The following DHODH variants were observed in gnomAD, a reference collection of about 807,000 sequenced individuals.
The protein encoded by DHODH is dihydroorotate dehydrogenase (quinone), mitochondrial.
A neutral mutation model predicts 39.7 loss-of-function variants in DHODH; 30 were observed. That is an observed-to-expected ratio of 0.76 (90% CI 0.57 to 1.02). The LOEUF is 1.02. DHODH is among the 50% of genes least tolerant of loss of function. The pLI, the probability that DHODH is intolerant of heterozygous loss-of-function variation, is 0.00. For synonymous variants in DHODH, 222 were observed against 213.8 expected, an observed-to-expected ratio of 1.04 and a Z score of -0.34; for missense variants, 531 against 520.8, an observed-to-expected ratio of 1.02 and a Z score of -0.19.
intron 3 of DHODH, 115 bp from the exon 4 acceptor site, chr16:72,016,909 G>A (rs1401505083): frequency 1.1e-6 from 1 of 902,252 alleles, no homozygotes; most frequent in Non-Finnish European, 1.8e-6. Flanking sequence ...GACCCTGGAA[G>A]TGTAAGAACT....
chr16:72,019,963 G>A (rs1455389006), intron 4 of DHODH, among the ~76,000 whole-genome samples: 1 of 152,108 alleles, frequency 6.6e-6, no homozygotes, highest in African/African-American at 2.4e-5. Flanking sequence ...CCAACATGGT[G>A]AAACCCCTTC....
chr16:72,009,480 G>A (rs1201192319), intron 1 of DHODH, among the ~76,000 whole-genome samples: 2 of 118,800 alleles, frequency 1.7e-5, no homozygotes, highest in Non-Finnish European at 3.3e-5. Flanking sequence ...TCCGCAGTCC[G>A]GCCTGGGCGA....
Position 72,021,277 on chromosome 16 carries a change from A to G in DHODH, c.671A>G (p.Gln224Arg). 1.9e-6 allele frequency: 3 copies of G among 1,612,060 alleles called. No individual in the cohort carries two copies. In the South Asian group the frequency reaches 3.3e-5, roughly 18 times the overall value. ...SPNTAGLRSL[Q>R]GKAELRRLLT... Reference sequence around the variant, plus strand: ...AACACTGCCGGGCTGCGGAGCCTTCAGGGAAAGGCCGAGCTGCGCCGCCTG... The same window carrying G: ...AACACTGCCGGGCTGCGGAGCCTTCGGGGAAAGGCCGAGCTGCGCCGCCTG... The change falls in exon 5 of 9, where the codon CAG (glutamine) becomes CGG (arginine). Residue 224 changes from glutamine to arginine, a missense_variant. Physicochemically the swap from Gln to Arg is conservative, Grantham distance 43 (BLOSUM62 1). Coordinates refer to ENST00000219240, the MANE Select transcript of DHODH (RefSeq NM_001361.5).
Position 72,024,571 on chromosome 16 carries a change from C to CCTG in DHODH, c.*372_*373insCTG. 3.7e-6 allele frequency: 1 copy of CCTG among 273,716 alleles called. No homozygotes were observed. The highest frequency in any genetic ancestry group is 5.2e-5 in the South Asian group (1 of 19,358). 17.0% of individuals were successfully genotyped at this position (273,716 alleles called of 1,614,324 possible). On this transcript the variant is annotated 3_prime_UTR_variant, in exon 9 of 9. Coordinates refer to ENST00000219240, the MANE Select transcript of DHODH (RefSeq NM_001361.5). ...CAAGATACTGCAGGTCCATCCAGGC[C>CCTG]TCTGCTATCTGCATCTGCAGTGGGC...
intron 2 of DHODH, among the ~76,000 whole-genome samples, chr16:72,013,181 A>C (rs1476534664): frequency 2.0e-5 from 3 of 151,846 alleles, no homozygotes; most frequent in African/African-American, 7.3e-5. Flanking sequence ...ATCTGATTAT[A>C]TGGTGTTGAG....
chr16:72,022,304 G>A, intron 5 of DHODH, 58 bp from the exon 6 acceptor site: 3 of 1,283,730 alleles, frequency 2.3e-6, no homozygotes, highest in Non-Finnish European at 3.3e-6. Flanking sequence ...GTAGGTCACA[G>A]CTGCACTGCA....
At chr16:72,019,594 G>A (rs945405251) in intron 4 of DHODH, among the ~76,000 whole-genome samples, 9 of 152,192 alleles carry the variant, frequency 5.9e-5, no homozygotes, top group Non-Finnish European at 1.5e-5. Context: ...GGTCCAAAAT[G>A]CAAGTCCATT....
chr16:72,012,374 G>C (rs2041093821), intron 2 of DHODH, 112 bp downstream of exon 2: 1 of 872,994 alleles, frequency 1.1e-6, no homozygotes, highest in Non-Finnish European at 1.9e-6. Flanking sequence ...GTGAGCAGTG[G>C]GGATTTGGAA....
In DHODH at chr16:72,021,326, C is replaced by A; in HGVS notation, c.705+15C>A. 1 of 1,590,398 alleles carries A rather than the reference C, an allele frequency of 6.3e-7. No individual in the cohort carries two copies. The highest frequency in any genetic ancestry group is 1.7e-5 in the Admixed American group (1 of 57,616). ...TGCTGACCAAGGTGGGCAGCTGCACCCCTCTCCAGGCCCTGTCCCACCAGC... is the reference window on the plus strand; with the variant it reads ...TGCTGACCAAGGTGGGCAGCTGCACACCTCTCCAGGCCCTGTCCCACCAGC... On this transcript the variant is annotated intron_variant, in intron 5 of 8. Transcript: ENST00000219240.
intron 4 of DHODH, among the ~76,000 whole-genome samples, chr16:72,018,603 C>A (rs899337387): frequency 2.0e-5 from 3 of 152,230 alleles, no homozygotes; most frequent in Admixed American, 6.5e-5. Flanking sequence ...CCCTCCCTCC[C>A]TGTGGCCCTC....
At chr16:72,017,950 A>G (rs1290986904) in intron 4 of DHODH, among the ~76,000 whole-genome samples, 1 of 151,722 alleles carries the variant, frequency 6.6e-6, no homozygotes, top group Admixed American at 6.6e-5. Flanking sequence ...TTCTTTTTGT[A>G]TTTTTAGTAG....
At chr16:72,011,798 C>A (rs1259823026) in intron 1 of DHODH, among the ~76,000 whole-genome samples, 1 of 152,170 alleles carries the variant, frequency 6.6e-6, no homozygotes, top group African/African-American at 2.4e-5. Context: ...CCACGATCAC[C>A]CTAGGGGACA....
chr16:72,009,762 G>A (rs1460034697), intron 1 of DHODH, among the ~76,000 whole-genome samples: 1 of 151,620 alleles, frequency 6.6e-6, no homozygotes. Flanking sequence ...TTACAGGCGC[G>A]CGCCACCACG....
At chr16:72,023,357 G>C in intron 7 of DHODH, 39 bp downstream of exon 7, 2 of 1,614,082 alleles carry the variant, frequency 1.2e-6, no homozygotes, top group Non-Finnish European at 1.7e-6. Flanking sequence ...ATCTGCGTGT[G>C]GCTTGGGCTC....
chr16:72,014,201 C>T lies in DHODH; in HGVS notation c.235-272C>T, dbSNP rs186427320. Among the ~76,000 whole-genome samples the T allele has an allele frequency of 2.8e-4, 43 of 152,316 alleles. No homozygotes were observed. In the East Asian group the frequency reaches 7.7e-3, roughly 27 times the overall value. On this transcript the variant is annotated intron_variant, in intron 2 of 8. Coordinates refer to ENST00000219240, the MANE Select transcript of DHODH (RefSeq NM_001361.5). ...TCTCCGCTTCAACCCACGGTGGAAA[C>T]ACCATTTCTCCCCCCAGGCTTGCTA...
rs2041264932 is a variant in DHODH, at chr16:72,025,090, T to G, written c.*891T>G. ...TCATTGGTGCCTTATTCTTCAGTGTTTCAGTCTGTATCTCCTAAGCATCCT... is the reference window on the plus strand; with the variant it reads ...TCATTGGTGCCTTATTCTTCAGTGTGTCAGTCTGTATCTCCTAAGCATCCT... On this transcript the variant is annotated 3_prime_UTR_variant, in exon 9 of 9. Transcript: ENST00000219240. 1 of 152,290 alleles carries G rather than the reference T, an allele frequency of 6.6e-6. No individual in the cohort carries two copies. Among genetic ancestry groups the G allele is most frequent in the Non-Finnish European group, 1.5e-5 (1 of 68,066 alleles). 9.4% of individuals were successfully genotyped at this position (152,290 alleles called of 1,614,324 possible).
At chr16:72,016,810 C>G (rs1437309477) in intron 3 of DHODH, 2 of 538,194 alleles carry the variant, frequency 3.7e-6, no homozygotes, top group Non-Finnish European at 6.9e-6. Flanking sequence ...GTTTCCAGTG[C>G]TAGCTGGCTG....
intron 1 of DHODH, among the ~76,000 whole-genome samples, chr16:72,011,222 C>T (rs917738035): frequency 4.6e-5 from 7 of 152,160 alleles, no homozygotes; most frequent in Non-Finnish European, 7.3e-5. Flanking sequence ...ATATCAGGCA[C>T]CCCAGGAAAG....
At chr16:72,019,902 A>C (rs1567572495) in intron 4 of DHODH, among the ~76,000 whole-genome samples, 1 of 152,150 alleles carries the variant, frequency 6.6e-6, no homozygotes, top group East Asian at 1.9e-4. Context: ...AACACTCTGG[A>C]AGGCCAAGGC....
Sources: allele counts gnomAD v4.1 joint callset (sites outside exome capture counted in the v4.1 genomes callset), GRCh38; gene constraint gnomAD v4.1.1; transcripts MANE v1.5; gene names NCBI Gene and HGNC (gene_info 2026-07-23, HGNC 2026-07-21).